CENPF: variants seen among roughly 807,000 people sequenced by gnomAD.
CENPF encodes the protein centromere protein F.
CENPF carries 214 observed loss-of-function variants against 307.3 expected under a neutral mutation model. That is an observed-to-expected ratio of 0.70 (90% CI 0.62 to 0.78). The LOEUF (loss-of-function observed/expected upper bound fraction) is 0.78, where lower values mean the gene tolerates loss of function less well. CENPF is among the 30% of genes least tolerant of loss of function. The probability of loss-of-function intolerance (pLI) is 0.00; values close to 1 mark genes in which losing one functional copy is unlikely to be tolerated. For synonymous variants in CENPF, 1,259 were observed against 1,270.6 expected, an observed-to-expected ratio of 0.99 and a Z score of 0.19; for missense variants, 3,401 against 3,483.9, an observed-to-expected ratio of 0.98 and a Z score of 0.60.
intron 1 of CENPF, chr1:214,608,272 T>A: frequency 6.5e-7 from 1 of 1,533,140 alleles, no homozygotes; most frequent in South Asian, 1.2e-5. Context: ...TGGTCCCCTC[T>A]TGGGTGTGCC....
At chr1:214,639,801 C>T (rs1658055905) in intron 11 of CENPF, 120 bp from the exon 12 acceptor site, 2 of 507,924 alleles carry the variant, frequency 3.9e-6, no homozygotes, top group Admixed American at 4.1e-5. Flanking sequence ...CCAGTTTTTC[C>T]AGGGCTTGAG....
At chr1:214,648,992 A>G (rs1179662041) in intron 14 of CENPF, among the ~76,000 whole-genome samples, 165 bp downstream of exon 14, 2 of 152,212 alleles carry the variant, frequency 1.3e-5, no homozygotes, top group African/African-American at 4.8e-5. Flanking sequence ...AATCTCTACC[A>G]TCCAGCACTA....
intron 10 of CENPF, among the ~76,000 whole-genome samples, chr1:214,636,513 A>G (rs1177227617): frequency 6.6e-6 from 1 of 152,196 alleles, no homozygotes; most frequent in African/African-American, 2.4e-5. Flanking sequence ...TCTTATTTTA[A>G]TGATGAAATG....
At chr1:214,652,772 A>T in intron 15 of CENPF, 56 bp from the exon 16 acceptor site, 2 of 1,422,804 alleles carry the variant, frequency 1.4e-6, no homozygotes, top group East Asian at 2.4e-5. Context: ...ATTTTTTTTT[A>T]GCTGTGCCTC....
chr1:214,640,302 A>C lies in CENPF; in HGVS notation c.1964A>C (p.Gln655Pro), dbSNP rs766374104. The stretch of plus-strand genomic sequence containing the variant: ...TTGGAAACTTGTCTGAAGACACAGC[A>C]AATAAAAAGTCATGAATACAACGAG... ...NHLETCLKTQ[Q>P]IKSHEYNERV... Residue 655 changes from glutamine (Q) to proline (P), a missense_variant, in exon 12 of 20, where the codon CAA (glutamine) becomes CCA (proline). By Grantham distance (76) the Gln-to-Pro change is moderately conservative. Transcript: ENST00000366955. The C allele has an allele frequency of 2.5e-6, 4 of 1,614,072 alleles. No homozygotes were observed. In the Admixed American group the frequency reaches 5.0e-5, roughly 20 times the overall value.
At chr1:214,612,503 CCCT>C (rs1488576922) in intron 1 of CENPF, among the ~76,000 whole-genome samples, 1 of 152,070 alleles carries the variant, frequency 6.6e-6, no homozygotes, top group Non-Finnish European at 1.5e-5. Context: ...GAGGAGGCGT[CCCT>C]CCTCCTTAAT....
rs372008067 is a variant in CENPF, at chr1:214,640,612, C to T, written c.2274C>T (p.Ala758=). 21 of 1,613,944 alleles carry T rather than the reference C, an allele frequency of 1.3e-5. No individual in the cohort carries two copies. In the African/African-American group the frequency reaches 1.7e-4, roughly 13 times the overall value. ...ACCGGTGTTACCAAGACTTGCATGC[C>T]GAATATGAGAGCCTCAGGGATCTGC... ...DKDRCYQDLH[A]EYESLRDLLK... Residue 758 remains alanine, a synonymous_variant, in exon 12 of 20, where the codon GCC becomes GCT. Transcript: ENST00000366955.
Position 214,655,063 on chromosome 1 carries a change from G to C in CENPF, c.8323-178G>C, listed in dbSNP as rs1420725386. ...AATGACAAAACCACATTGTCAGTTG[G>C]GGGGACTTAGGAAACTGAGTAGAGA... On this transcript the variant is annotated intron_variant, in intron 16 of 19. Transcript: ENST00000366955. 1.7e-5 allele frequency: 7 copies of C among 408,146 alleles called. No individual in the cohort carries two copies. The Admixed American group carries it at 3.0e-4, about 18-fold the overall frequency. The allele number at this position is 408,146 out of a possible 1,614,324, so 25.3% of individuals were successfully genotyped here.
At chr1:214,649,035 T>C (rs1455974914) in intron 14 of CENPF, among the ~76,000 whole-genome samples, 2 of 152,308 alleles carry the variant, frequency 1.3e-5, no homozygotes, top group Non-Finnish European at 2.9e-5. Flanking sequence ...GAGAAGCCTC[T>C]GAACACATGA....
intron 14 of CENPF, among the ~76,000 whole-genome samples, chr1:214,649,106 C>T (rs532508451): frequency 1.6e-4 from 24 of 152,322 alleles, no homozygotes; most frequent in East Asian, 3.9e-4. Context: ...ACCACATTAA[C>T]GCACAACAGA....
chr1:214,608,654 G>C (rs1210808772), intron 1 of CENPF: 15 of 1,602,138 alleles, frequency 9.4e-6, no homozygotes, highest in African/African-American at 1.3e-5. Flanking sequence ...CAGCGCCCGG[G>C]TGCGCCCGAG....
At chr1:214,614,002 GATTA>G (rs1395132068) in intron 2 of CENPF, 86 bp downstream of exon 2, 10 of 1,254,108 alleles carry the variant, frequency 8.0e-6, no homozygotes, top group Non-Finnish European at 8.6e-6. Flanking sequence ...CTCATTTTTG[GATTA>G]ATTATTTCAT....
chr1:214,604,196 A>G (rs1392892006), intron 1 of CENPF, among the ~76,000 whole-genome samples: 1 of 152,106 alleles, frequency 6.6e-6, no homozygotes, highest in Non-Finnish European at 1.5e-5. Context: ...GAGGTCACAC[A>G]AGAGCTTCCT....
intron 3 of CENPF, among the ~76,000 whole-genome samples, chr1:214,616,881 CTTTCTTTCTTT>C: frequency 9.6e-6 from 1 of 103,968 alleles, no homozygotes; most frequent in Non-Finnish European, 2.0e-5. Flanking sequence ...TTCTTTCTTT[CTTTCTTTCTTT>C]CTTTCTTTCT....
In CENPF at chr1:214,645,145, A is replaced by C. The variant is rs150031364; in HGVS notation, c.5575A>C (p.Arg1859=). 5.0e-6 allele frequency: 8 copies of C among 1,613,858 alleles called. No homozygotes were observed. The African/African-American group carries it at 1.1e-4, about 22-fold the overall frequency. Residue 1859 remains arginine (R), a synonymous_variant, in exon 13 of 20, where the codon AGA becomes CGA. Transcript: ENST00000366955. ...FSCDHQELLQ[R]VETSEGLNSD... ...TTGTGATCACCAGGAGTTACTCCAG[A>C]GAGTAGAAACTTCTGAAGGCCTCAA... is the stretch of plus-strand genomic sequence containing the variant.
chr1:214,637,948 A>T lies in CENPF; in HGVS notation c.1529A>T (p.Lys510Met). Residue 510 changes from lysine to methionine, a missense_variant, in exon 11 of 20, where the codon AAG (lysine) becomes ATG (methionine). By Grantham distance (95) the Lys-to-Met change is moderately conservative (BLOSUM62 -1). Transcript: ENST00000366955. Reference protein sequence around the residue: ...REVCHLEAELKNIKQCLNQSQ... With the variant: ...REVCHLEAELMNIKQCLNQSQ... ...GTCTGCCACCTGGAGGCAGAACTCA[A>T]GAACATCAAACAGTGTTTAAATCAG... 1.9e-6 allele frequency: 3 copies of T among 1,613,762 alleles called. No homozygotes were observed. Among genetic ancestry groups the T allele is most frequent in the Non-Finnish European group, 2.5e-6 (3 of 1,179,940 alleles).
In CENPF at chr1:214,646,890, G is replaced by A; in HGVS notation, c.7320G>A (p.Met2440Ile). 1 of 1,614,044 alleles carries A rather than the reference G, an allele frequency of 6.2e-7. No homozygotes were observed. Among genetic ancestry groups the A allele is most frequent in the Non-Finnish European group, 8.5e-7 (1 of 1,179,970 alleles). Reference protein sequence around the residue: ...VQMKEKSSTAMEMLQTQLKEL... With the variant: ...VQMKEKSSTAIEMLQTQLKEL... ...TGAAAGAAAAATCAAGCACTGCCAT[G>A]GAGATGCTTCAAACACAATTAAAAG... The change falls in exon 13 of 20, where the codon ATG becomes ATA. Residue 2440 changes from methionine (M) to isoleucine (I), a missense_variant. Coordinates refer to ENST00000366955, the MANE Select transcript of CENPF (RefSeq NM_016343.4).
rs1658272023 is a variant in CENPF at position 214,645,624 on chromosome 1, T to C, written c.6054T>C (p.Thr2018=). The change falls in exon 13 of 20, where the codon ACT becomes ACC. Residue 2018 remains threonine, a synonymous_variant. Coordinates refer to ENST00000366955, the MANE Select transcript of CENPF (RefSeq NM_016343.4). The part of the protein sequence containing the change: ...EVKEKTELLQ[T]LSSDVSELLK... Reference sequence around the variant, plus strand: ...AGGAAAAGACGGAACTCCTTCAGACTTTGTCCTCTGATGTGAGTGAGCTGT... The same window carrying C: ...AGGAAAAGACGGAACTCCTTCAGACCTTGTCCTCTGATGTGAGTGAGCTGT... The C allele has an allele frequency of 6.2e-7, 1 of 1,614,044 alleles. No homozygotes were observed. Among genetic ancestry groups the C allele is most frequent in the Admixed American group, 1.7e-5 (1 of 59,998 alleles).
chr1:214,641,531 G>A lies in CENPF; in HGVS notation c.3193G>A (p.Glu1065Lys). ...GCTAAATGAATGCACTAGTCTTTGT[G>A]AAAATAGGAAAAATGAGTTGGAACA... ...CLLNECTSLC[E>K]NRKNELEQLK... Residue 1065 changes from glutamate (E) to lysine (K), a missense_variant, in exon 12 of 20, where the codon GAA becomes AAA. Glu to Lys is a moderately conservative substitution (Grantham distance 56). Coordinates refer to ENST00000366955, the MANE Select transcript of CENPF (RefSeq NM_016343.4). The A allele has an allele frequency of 1.3e-6, 2 of 1,515,858 alleles. No homozygotes were observed. The highest frequency in any genetic ancestry group is 8.8e-7 in the Non-Finnish European group (1 of 1,137,270). 93.9% of individuals were successfully genotyped at this position (1,515,858 alleles called of 1,614,324 possible).
Sources: gnomAD v4.1 joint callset for allele counts (sites outside exome capture counted in the v4.1 genomes callset) on GRCh38, gnomAD v4.1.1 for gene constraint, MANE v1.5 for transcripts, NCBI Gene and HGNC (gene_info 2026-07-23, HGNC 2026-07-21) for gene names.